Variants in UBR4 observed in about 807,000 individuals in gnomAD.
UBR4 encodes E3 ubiquitin-protein ligase UBR4.
In UBR4, 124 loss-of-function variants were observed where a neutral mutation model predicts 575.6. That is an observed-to-expected ratio of 0.22 (90% confidence interval 0.19 to 0.25). The LOEUF is 0.25. Ranked by LOEUF, UBR4 falls within the 10% of genes least tolerant of loss-of-function variation. The pLI is 1.00. For synonymous variants in UBR4, 2,455 were observed against 2,473.7 expected, an observed-to-expected ratio of 0.99 and a Z score of 0.22; for missense variants, 4,818 against 6,478.8, an observed-to-expected ratio of 0.74 and a Z score of 8.80.
At position 19,110,777 on chromosome 1, in the gene UBR4, T is replaced by C; in HGVS notation, c.11857A>G (p.Thr3953Ala). The C allele has an allele frequency of 6.2e-7, 1 of 1,614,210 alleles. No homozygotes were observed. Among genetic ancestry groups the C allele is most frequent in the Non-Finnish European group, 8.5e-7 (1 of 1,180,038 alleles). ...MNDLIIGKVS[T>A]ALKGHWANPD... is the part of the protein sequence containing the mutation. ...TTGGCCCAGTGGCCCTTCAGGGCTG[T>C]GGAGACCTTGCCAATAATCAGGTCA... The change falls in exon 79 of 106, where the codon ACA becomes GCA. Residue 3953 changes from threonine (T) to alanine (A), a missense_variant. Physicochemically the swap from Thr to Ala is moderately conservative, Grantham distance 58. Coordinates refer to ENST00000375254, the MANE Select transcript of UBR4 (RefSeq NM_020765.3). The surrounding 1 kb of genome is among the most constrained non-coding windows in gnomAD (Gnocchi z 4.5).
At chr1:19,092,787 G>C in intron 97 of UBR4, 32 bp downstream of exon 97, 6 of 1,567,388 alleles carry the variant, frequency 3.8e-6, no homozygotes, top group Non-Finnish European at 5.2e-6. Context: ...TTGTACCCCT[G>C]TACCCTCACA....
At chr1:19,077,852 GA>G (rs2076104568) in intron 104 of UBR4, 123 bp downstream of exon 104, 2 of 1,562,378 alleles carry the variant, frequency 1.3e-6, no homozygotes, top group Non-Finnish European at 1.7e-6. Context: ...TTGTTTCTAG[GA>G]AAAAAGCGCC....
chr1:19,198,598 C>G lies in UBR4; in HGVS notation c.591G>C (p.Leu197=). 6.2e-7 allele frequency: 1 copy of G among 1,614,146 alleles called. No individual in the cohort carries two copies. The highest frequency in any genetic ancestry group is 8.5e-7 in the Non-Finnish European group (1 of 1,180,028). ...KEVQMNFLNQ[L]TSVFNPRTVA... ...CAGTTCTAGGGTTAAAAACTGAGGT[C>G]AGCTGGTTCAAAAAATTCATCTGTA... is the stretch of plus-strand genomic sequence containing the variant. The change falls in exon 5 of 106, where the codon CTG becomes CTC. Residue 197 remains leucine (L), a synonymous_variant. Coordinates refer to ENST00000375254, the MANE Select transcript of UBR4 (RefSeq NM_020765.3).
At position 19,112,515 on chromosome 1, in the gene UBR4, G is replaced by T; in HGVS notation, c.11801+9C>A. The T allele has an allele frequency of 6.2e-7, 1 of 1,601,256 alleles. No individual in the cohort carries two copies. The highest frequency in any genetic ancestry group is 1.1e-5 in the South Asian group (1 of 88,210). ...CCACTAGGCCCATAACCATGGTGTA[G>T]GTACTGACCGAGTTAGGAGGCACAT... On this transcript the variant is annotated intron_variant, in intron 78 of 105. Transcript: ENST00000375254.
chr1:19,094,142 G>A lies in UBR4; in HGVS notation c.13747-3C>T. 1.2e-6 allele frequency: 2 copies of A among 1,611,012 alleles called. No homozygotes were observed. Among genetic ancestry groups the A allele is most frequent in the Non-Finnish European group, 1.7e-6 (2 of 1,178,654 alleles). The stretch of plus-strand genomic sequence containing the variant: ...TCACCTGTCAGGAGGAGGTTGCCCT[G>A]CAACAGAAAAGAGGGTGAACATGCC... On this transcript the variant is annotated splice_polypyrimidine_tract_variant and splice_region_variant and intron_variant, in intron 94 of 105. Coordinates refer to ENST00000375254, the MANE Select transcript of UBR4 (RefSeq NM_020765.3).
chr1:19,132,496 A>T (rs1343860917), intron 60 of UBR4, among the ~76,000 whole-genome samples: 1 of 151,644 alleles, frequency 6.6e-6, no homozygotes, highest in South Asian at 2.1e-4. Context: ...ATGTATTTTT[A>T]AAGTAGGTTT....
At position 19,139,951 on chromosome 1, in the gene UBR4, G is replaced by A. The variant is rs1242983538; in HGVS notation, c.8594-731C>T. 4.6e-5 allele frequency among the ~76,000 whole-genome samples: 7 copies of A among 152,116 alleles called. No homozygotes were observed. Among genetic ancestry groups the A allele is most frequent in the Non-Finnish European group, 1.0e-4 (7 of 68,016 alleles). The stretch of plus-strand genomic sequence containing the variant: ...GCCAAGACAGCCACAGAGCACAGCG[G>A]GAACACGACTGGCACAACACAACAG... On this transcript the variant is annotated intron_variant, in intron 58 of 105. Coordinates refer to ENST00000375254, the MANE Select transcript of UBR4 (RefSeq NM_020765.3). This position sits in a 1 kb window ranked among gnomAD's most constrained non-coding sequence, Gnocchi z 4.2.
At chr1:19,094,385 C>T (rs2077817687) in intron 94 of UBR4, among the ~76,000 whole-genome samples, 1 of 152,180 alleles carries the variant, frequency 6.6e-6, no homozygotes, top group Non-Finnish European at 1.5e-5. Context: ...ACAATCTTCC[C>T]TCCCTGTAAA....
At chr1:19,112,921 A>T in intron 77 of UBR4, 54 bp from the exon 78 acceptor site, 1 of 1,499,234 alleles carries the variant, frequency 6.7e-7, no homozygotes, top group Non-Finnish European at 8.9e-7. Context: ...TAAGAAGAGG[A>T]TGTTAATTAG....
At chr1:19,175,207 A>G (rs1302440153) in intron 20 of UBR4, among the ~76,000 whole-genome samples, 174 bp from the exon 21 acceptor site, 1 of 152,158 alleles carries the variant, frequency 6.6e-6, no homozygotes, top group African/African-American at 2.4e-5. Context: ...ACTCTAGGTG[A>G]CTTAACAGCA....
In UBR4 at chr1:19,110,571, G is replaced by T; in HGVS notation, c.11893-107C>A. Reference sequence around the variant, plus strand: ...CCTAGGTGGCTCCAACAGAGACAAAGGACAGACGGAGACCCTTGTGCTCCA... The same window carrying T: ...CCTAGGTGGCTCCAACAGAGACAAATGACAGACGGAGACCCTTGTGCTCCA... On this transcript the variant is annotated intron_variant, in intron 79 of 105. Coordinates refer to ENST00000375254, the MANE Select transcript of UBR4 (RefSeq NM_020765.3). The surrounding 1 kb of genome is among the most constrained non-coding windows in gnomAD (Gnocchi z 4.5). 1 of 1,370,494 alleles carries T rather than the reference G, an allele frequency of 7.3e-7. No individual in the cohort carries two copies. The highest frequency in any genetic ancestry group is 1.0e-6 in the Non-Finnish European group (1 of 972,244). 84.9% of individuals were successfully genotyped at this position (1,370,494 alleles called of 1,614,324 possible).
rs772323972 is a variant in UBR4 at position 19,144,028 on chromosome 1, G to A, written c.8131C>T (p.Arg2711Trp). The A allele has an allele frequency of 4.3e-6, 7 of 1,614,056 alleles. No homozygotes were observed. The highest frequency in any genetic ancestry group is 2.2e-5 in the East Asian group (1 of 44,878). The change falls in exon 55 of 106, where the codon CGG (arginine) becomes TGG (tryptophan). Residue 2711 changes from arginine (R) to tryptophan (W), a missense_variant. Physicochemically the swap from Arg to Trp is moderately radical, Grantham distance 101. This residue lies in a region of UBR4 where 129 missense variants were observed against 198.4 expected (regional missense o/e 0.65). Coordinates refer to ENST00000375254, the MANE Select transcript of UBR4 (RefSeq NM_020765.3). ...GAAGAGGGTAAAGTCACATGTCTCCGTTTGTTCCTGGGCCTTAGGACTCGA... is the reference window on the plus strand; with the variant it reads ...GAAGAGGGTAAAGTCACATGTCTCCATTTGTTCCTGGGCCTTAGGACTCGA... ...LIRVLRPRNKRRHVTLPSSPR... is the reference protein window; with the variant it reads ...LIRVLRPRNKWRHVTLPSSPR...
chr1:19,136,834 A>G (rs961510074), intron 60 of UBR4, among the ~76,000 whole-genome samples: 9 of 152,160 alleles, frequency 5.9e-5, no homozygotes, highest in African/African-American at 1.7e-4. Flanking sequence ...ACTCTATCAA[A>G]ATATCATCTA....
At chr1:19,132,180 TTTTG>T (rs1348996908) in intron 60 of UBR4, among the ~76,000 whole-genome samples, 13 of 152,010 alleles carry the variant, frequency 8.6e-5, no homozygotes, top group Non-Finnish European at 1.5e-4. Context: ...AAATATGGTT[TTTTG>T]TTTGTTTGTT....
rs765724397 is a variant in UBR4 at position 19,160,975 on chromosome 1, G to GCCTCT, written c.5347_5348insAGAGG (p.Pro1783GlnfsTer12). 1.9e-6 allele frequency: 3 copies of GCCTCT among 1,613,956 alleles called. No homozygotes were observed. The African/African-American group carries it at 4.0e-5, about 22-fold the overall frequency. ...TGTGCGGCAGAGGCTGCTCTTCTTG[G>GCCTCT]GCTTCTCTTCGTCAGCAACCTTTCC... On this transcript the variant is annotated frameshift_variant, in exon 38 of 106. Transcript: ENST00000375254. LOFTEE classifies it high-confidence loss of function.
Position 19,089,064 on chromosome 1 carries a change from C to T in UBR4, c.14212-87G>A. The T allele has an allele frequency of 7.7e-7, 1 of 1,305,570 alleles. No homozygotes were observed. Among genetic ancestry groups the T allele is most frequent in the South Asian group, 1.3e-5 (1 of 77,606 alleles). 80.9% of individuals were successfully genotyped at this position (1,305,570 alleles called of 1,614,324 possible). A position where few individuals can be genotyped will look rare whatever the true frequency, so the allele number is the denominator to read the frequency against. On this transcript the variant is annotated intron_variant, in intron 97 of 105. Coordinates refer to ENST00000375254, the MANE Select transcript of UBR4 (RefSeq NM_020765.3). The surrounding 1 kb of genome is among the most constrained non-coding windows in gnomAD (Gnocchi z 4.3). ...GAGCTTAAAGGTTTAGAAACTCAACCAGCATGCACCATCTCATGTCACCTG... is the reference window on the plus strand; with the variant it reads ...GAGCTTAAAGGTTTAGAAACTCAACTAGCATGCACCATCTCATGTCACCTG...
Position 19,088,356 on chromosome 1 carries a change from G to C in UBR4, c.14430+403C>G, listed in dbSNP as rs2077209203. 6.6e-6 allele frequency among the ~76,000 whole-genome samples: 1 copy of C among 152,318 alleles called. No homozygotes were observed. Among genetic ancestry groups the C allele is most frequent in the East Asian group, 1.9e-4 (1 of 5,192 alleles). On this transcript the variant is annotated intron_variant, in intron 98 of 105. Transcript: ENST00000375254. The surrounding 1 kb of genome is among the most constrained non-coding windows in gnomAD (Gnocchi z 4.0). ...TAGGACTCTGCTTCCTCCAAGGTGG[G>C]ACAGTTAGAAGAGCACAGAACCCTT...
intron 1 of UBR4, among the ~76,000 whole-genome samples, chr1:19,204,145 C>T (rs1267696057): frequency 6.6e-6 from 1 of 152,096 alleles, no homozygotes; most frequent in African/African-American, 2.4e-5. Flanking sequence ...ATTACAGGTG[C>T]GTGCCACCAC....
intron 102 of UBR4, 32 bp downstream of exon 102, chr1:19,084,472 G>A (rs367609977): frequency 8.2e-6 from 13 of 1,576,918 alleles, no homozygotes; most frequent in African/African-American, 2.7e-5. Context: ...GTGGGTCTGC[G>A]AGATGCCGCC....
Sources: allele counts gnomAD v4.1 joint callset (sites outside exome capture counted in the v4.1 genomes callset), GRCh38; gene constraint gnomAD v4.1.1; regional missense constraint gnomAD v4.1.1; non-coding constraint Gnocchi (gnomAD v3.1); transcripts MANE v1.5; gene names NCBI Gene and HGNC (gene_info 2026-07-23, HGNC 2026-07-21).